KCNMB4: variants seen among roughly 807,000 people sequenced by gnomAD.
The protein encoded by KCNMB4 is potassium calcium-activated channel subfamily M regulatory beta subunit 4, also known as calcium-activated potassium channel subunit beta-4.
KCNMB4 carries 3 observed loss-of-function variants against 20.7 expected under a neutral mutation model. The observed-to-expected ratio is 0.14, with a 90% CI of 0.07 to 0.37. The LOEUF (loss-of-function observed/expected upper bound fraction) is 0.37, where lower values mean the gene tolerates loss of function less well. Ranked by LOEUF, KCNMB4 falls within the 10% of genes least tolerant of loss-of-function variation. The pLI, the probability that KCNMB4 is intolerant of heterozygous loss-of-function variation, is 1.00. For synonymous variants in KCNMB4, 110 were observed against 113.4 expected (o/e 0.97, Z 0.19); for missense variants, 168 against 265.9 (o/e 0.63, Z 2.56).
At chr12:70,422,977 A>G in intron 2 of KCNMB4, 1 of 379,410 alleles carries the variant, frequency 2.6e-6, no homozygotes, top group Non-Finnish European at 3.9e-6. Context: ...AGGGACGGTC[A>G]TCTTAATCAG....
intron 1 of KCNMB4, among the ~76,000 whole-genome samples, chr12:70,390,406 A>G (rs1868289872): frequency 6.6e-6 from 1 of 152,242 alleles, no homozygotes; most frequent in African/African-American, 2.4e-5. Flanking sequence ...TTGATGTTGC[A>G]TGTTCAGGCA....
chr12:70,430,086 G>A (rs1277843163), intron 2 of KCNMB4, among the ~76,000 whole-genome samples: 4 of 150,984 alleles, frequency 2.6e-5, no homozygotes, highest in Non-Finnish European at 5.9e-5. Flanking sequence ...ACACCTATGA[G>A]CTGAGGTCTA....
intron 1 of KCNMB4, among the ~76,000 whole-genome samples, chr12:70,372,649 G>A (rs1300034141): frequency 6.6e-6 from 1 of 152,142 alleles, no homozygotes; most frequent in East Asian, 1.9e-4. Flanking sequence ...GGAGGAGTGT[G>A]GATGAAAATC....
chr12:70,374,257 G>A (rs1195641612), intron 1 of KCNMB4, among the ~76,000 whole-genome samples: 1 of 152,074 alleles, frequency 6.6e-6, no homozygotes, highest in Non-Finnish European at 1.5e-5. Flanking sequence ...TTTATAAGTT[G>A]ACACATTTTG....
At chr12:70,407,392 G>A (rs1047238820) in intron 2 of KCNMB4, among the ~76,000 whole-genome samples, 14 of 150,056 alleles carry the variant, frequency 9.3e-5, no homozygotes, top group African/African-American at 2.9e-4. Flanking sequence ...GGCCCTTGGT[G>A]GTTGAGTTGA....
intron 1 of KCNMB4, among the ~76,000 whole-genome samples, chr12:70,389,118 C>G (rs182879822): frequency 1.3e-5 from 2 of 152,144 alleles, no homozygotes; most frequent in African/African-American, 4.8e-5. Context: ...TCTCTTTATT[C>G]TTTAAATAAA....
chr12:70,424,442 GAAAAAAA>G (rs35459349), intron 2 of KCNMB4, among the ~76,000 whole-genome samples: 1 of 135,754 alleles, frequency 7.4e-6, no homozygotes, highest in Non-Finnish European at 1.6e-5. Flanking sequence ...CTCCATCTCA[GAAAAAAA>G]AAAAAAAAAT....
At chr12:70,385,009 A>G (rs1245757859) in intron 1 of KCNMB4, among the ~76,000 whole-genome samples, 1 of 152,044 alleles carries the variant, frequency 6.6e-6, no homozygotes, top group Non-Finnish European at 1.5e-5. Context: ...TTACAAGCTG[A>G]GGACTATAGA....
chr12:70,367,049 C>T lies in KCNMB4; in HGVS notation c.315C>T (p.His105=). 1.3e-6 allele frequency: 2 copies of T among 1,546,642 alleles called. No individual in the cohort carries two copies. The highest frequency in any genetic ancestry group is 1.4e-5 in the African/African-American group (1 of 73,908). The change falls in exon 1 of 3, where the codon CAC becomes CAT. Residue 105 remains histidine, a synonymous_variant. Transcript: ENST00000258111. ...GGGCGCTGCTGCACAGCGACGAGCA[C>T]CAGCTCCTGACCAACCCCAAGGTAA... ...NSRALLHSDE[H]QLLTNPKCSY...
chr12:70,373,457 T>C (rs1009264900), intron 1 of KCNMB4, among the ~76,000 whole-genome samples: 1 of 152,116 alleles, frequency 6.6e-6, no homozygotes, highest in Non-Finnish European at 1.5e-5. Context: ...GTAGACTCCT[T>C]CTCCAAGGAA....
Position 70,366,644 on chromosome 12 carries a change from G to A in KCNMB4, c.-91G>A. 2.0e-6 allele frequency: 2 copies of A among 988,910 alleles called. No homozygotes were observed. Among genetic ancestry groups the A allele is most frequent in the Non-Finnish European group, 1.3e-6 (1 of 776,576 alleles). 61.3% of individuals were successfully genotyped at this position (988,910 alleles called of 1,614,324 possible). On this transcript the variant is annotated 5_prime_UTR_variant, in exon 1 of 3. Transcript: ENST00000258111. ...CTGTCGCGCGGCGGCGGCGGTGGCG[G>A]CGGCGGCTCCTCCCGCCCGAGGCAG...
At chr12:70,406,805 A>C (rs1868615416) in intron 2 of KCNMB4, among the ~76,000 whole-genome samples, 1 of 152,180 alleles carries the variant, frequency 6.6e-6, no homozygotes, top group African/African-American at 2.4e-5. Flanking sequence ...TGAATTTTGA[A>C]TATTCTCAAT....
Position 70,424,540 on chromosome 12 carries a change from A to G in KCNMB4, c.465-5945A>G, listed in dbSNP as rs528990541. ...TGAGGCAAGGGGATCAGTTGAAATC[A>G]GGAGTTTGAGACCAGCCTGGCCAAC... On this transcript the variant is annotated intron_variant, in intron 2 of 2. Transcript: ENST00000258111. Among the ~76,000 whole-genome samples, 14 of 152,170 alleles carry G rather than the reference A, an allele frequency of 9.2e-5. No homozygotes were observed. In the South Asian group the frequency reaches 2.9e-3, roughly 32 times the overall value.
intron 1 of KCNMB4, among the ~76,000 whole-genome samples, chr12:70,381,444 A>G (rs1883784463): frequency 6.6e-6 from 1 of 152,222 alleles, no homozygotes; most frequent in African/African-American, 2.4e-5. Context: ...TCATAGCAGC[A>G]TTATTCATAA....
chr12:70,398,666 T>C (rs1868381766), intron 1 of KCNMB4, among the ~76,000 whole-genome samples: 1 of 152,236 alleles, frequency 6.6e-6, no homozygotes, highest in African/African-American at 2.4e-5. Flanking sequence ...GAAAATAATG[T>C]CATCATCTTG....
chr12:70,379,547 G>A (rs1382476341), intron 1 of KCNMB4, among the ~76,000 whole-genome samples: 1 of 152,088 alleles, frequency 6.6e-6, no homozygotes, highest in Non-Finnish European at 1.5e-5. Context: ...CTCCCAAGTA[G>A]CTAGGACTAC....
At chr12:70,428,111 T>TG (rs1258028460) in intron 2 of KCNMB4, among the ~76,000 whole-genome samples, 2 of 151,990 alleles carry the variant, frequency 1.3e-5, no homozygotes, top group East Asian at 3.9e-4. Flanking sequence ...CTCGACCTCC[T>TG]GGGCTCGAGA....
chr12:70,387,240 C>A (rs936475943), intron 1 of KCNMB4, among the ~76,000 whole-genome samples: 2 of 151,686 alleles, frequency 1.3e-5, no homozygotes. Flanking sequence ...TTTGCAGATA[C>A]TTGTCTGCAC....
intron 1 of KCNMB4, among the ~76,000 whole-genome samples, chr12:70,391,639 A>G (rs534557076): frequency 7.2e-4 from 109 of 152,280 alleles, no homozygotes; most frequent in African/African-American, 2.6e-3. Context: ...AGAAATTTAT[A>G]AAGGACACAG....
Sources: gnomAD v4.1 joint callset for allele counts (sites outside exome capture counted in the v4.1 genomes callset) on GRCh38, gnomAD v4.1.1 for gene constraint, MANE v1.5 for transcripts, NCBI Gene and HGNC (gene_info 2026-07-23, HGNC 2026-07-21) for gene names.